The following ESR1 variants were observed in gnomAD, a reference collection of about 807,000 sequenced individuals.
ESR1 encodes estrogen receptor 1, also known as estrogen receptor.
A neutral mutation model predicts 52.7 loss-of-function variants in ESR1; 12 were observed. That is an observed-to-expected ratio of 0.23 (90% CI 0.15 to 0.37). ESR1 has a LOEUF of 0.37. ESR1 is among the 10% of genes least tolerant of loss of function. ESR1 has a pLI of 1.00. For missense variants in ESR1, 584 were observed against 779.7 expected (o/e 0.75, Z 2.99); for synonymous variants, 305 against 316.8 (o/e 0.96, Z 0.39).
chr6:151,934,631 G>T (rs528651495), intron 3 of ESR1, among the ~76,000 whole-genome samples: 1 of 152,266 alleles, frequency 6.6e-6, no homozygotes, highest in South Asian at 2.1e-4. Flanking sequence ...GTTTTAGCCT[G>T]TCCGCTCCAT....
intron 2 of ESR1, among the ~76,000 whole-genome samples, chr6:151,859,062 G>C (rs1276562223): frequency 6.6e-6 from 1 of 152,154 alleles, no homozygotes; most frequent in East Asian, 1.9e-4. Flanking sequence ...CTGCCAATAT[G>C]GCAGTAGATA....
At chr6:151,712,903 C>T (rs1272772042) in intron 2 of ESR1, among the ~76,000 whole-genome samples, 2 of 152,120 alleles carry the variant, frequency 1.3e-5, no homozygotes, top group African/African-American at 4.8e-5. Context: ...AGAGGATATC[C>T]TTGTCTGGTG....
At chr6:152,123,003 T>A (rs1407221087) in intron 6 of ESR1, among the ~76,000 whole-genome samples, 1 of 152,226 alleles carries the variant, frequency 6.6e-6, no homozygotes, top group Non-Finnish European at 1.5e-5. Flanking sequence ...CTAGCATGAA[T>A]TAAGTAGATC....
chr6:151,962,754 G>C (rs1423085489), intron 4 of ESR1, among the ~76,000 whole-genome samples: 2 of 152,150 alleles, frequency 1.3e-5, no homozygotes, highest in Non-Finnish European at 2.9e-5. Context: ...CACACTTAAT[G>C]GACCCTTTCA....
At chr6:152,115,343 G>A (rs937359264) in intron 6 of ESR1, among the ~76,000 whole-genome samples, 2 of 152,158 alleles carry the variant, frequency 1.3e-5, no homozygotes, top group Admixed American at 6.5e-5. Flanking sequence ...CATCTAGGTT[G>A]CTAGAAAATT....
rs185393676 is a variant in ESR1 at position 151,925,345 on chromosome 6, G to A, written c.761-18828G>A. Among the ~76,000 whole-genome samples, 289 of 152,274 alleles carry A rather than the reference G, an allele frequency of 1.9e-3. 2 individuals carry two copies. The highest frequency in any genetic ancestry group is 3.6e-3 in the Non-Finnish European group (245 of 68,012). On this transcript the variant is annotated intron_variant, in intron 3 of 7. Transcript: ENST00000206249. ...TTTTGGGCTGGGCGCAGTGGCTCAC[G>A]CCTGTAATCCCAGCACTTTGGGAAG...
At chr6:151,919,549 C>G (rs1284605434) in intron 3 of ESR1, among the ~76,000 whole-genome samples, 3 of 152,038 alleles carry the variant, frequency 2.0e-5, no homozygotes, top group African/African-American at 7.2e-5. Flanking sequence ...TAATTGAGGC[C>G]CACTACAGCA....
At chr6:151,741,229 CCTT>C (rs1783073254) in intron 2 of ESR1, among the ~76,000 whole-genome samples, 3 of 152,056 alleles carry the variant, frequency 2.0e-5, no homozygotes, top group South Asian at 2.1e-4. Context: ...TCTTCTTCCT[CCTT>C]CTCCTCCTCA....
intron 4 of ESR1, among the ~76,000 whole-genome samples, chr6:151,960,554 A>G (rs1039215501): frequency 2.0e-5 from 3 of 152,230 alleles, no homozygotes; most frequent in African/African-American, 7.2e-5. Flanking sequence ...TTCTAGAAAC[A>G]GGAAGAAGAC....
intron 1 of ESR1, chr6:151,813,310 T>C (rs1042801552): frequency 4.9e-4 from 75 of 152,196 alleles, no homozygotes; most frequent in African/African-American, 1.6e-3. Flanking sequence ...TCAAGAAACG[T>C]GGGCAAATAA....
chr6:151,695,646 A>T (rs1005966524), intron 1 of ESR1, among the ~76,000 whole-genome samples: 2 of 152,232 alleles, frequency 1.3e-5, no homozygotes, highest in African/African-American at 4.8e-5. Context: ...AAATGGTCTC[A>T]TTGGAATAAT....
At chr6:152,048,010 C>T (rs2046368203) in intron 5 of ESR1, among the ~76,000 whole-genome samples, 2 of 128,778 alleles carry the variant, frequency 1.6e-5, no homozygotes, top group African/African-American at 3.0e-5. Flanking sequence ...ACGCATGTCT[C>T]TCTTCTTGGC....
intron 2 of ESR1, among the ~76,000 whole-genome samples, chr6:151,760,003 G>A (rs1393942965): frequency 6.6e-6 from 1 of 152,196 alleles, no homozygotes; most frequent in Non-Finnish European, 1.5e-5. Flanking sequence ...ATTAGTCTAT[G>A]CATGGTTTAT....
At chr6:152,027,918 T>G (rs1584889909) in intron 5 of ESR1, among the ~76,000 whole-genome samples, 1 of 151,344 alleles carries the variant, frequency 6.6e-6, no homozygotes. Flanking sequence ...CCGAGGCGGG[T>G]AGATCATAAG....
chr6:151,852,789 C>G (rs982096809), intron 2 of ESR1, among the ~76,000 whole-genome samples: 2 of 151,974 alleles, frequency 1.3e-5, no homozygotes, highest in Non-Finnish European at 2.9e-5. Context: ...ACAGAAATGA[C>G]TATGGAGGCT....
chr6:152,107,290 G>A (rs1333837875), downstream of ESR1, among the ~76,000 whole-genome samples: 5 of 151,518 alleles, frequency 3.3e-5, no homozygotes, highest in East Asian at 7.7e-4. Context: ...ATTTTCTTTT[G>A]CCTTTTTTCC....
At chr6:151,850,095 T>TAA (rs1786261961) in intron 2 of ESR1, among the ~76,000 whole-genome samples, 9 of 122,734 alleles carry the variant, frequency 7.3e-5, no homozygotes, top group Admixed American at 1.9e-4. Flanking sequence ...TATATATAAT[T>TAA]TTATATATAT....
chr6:151,912,206 A>G (rs774350629), intron 3 of ESR1, among the ~76,000 whole-genome samples: 7 of 152,226 alleles, frequency 4.6e-5, no homozygotes, highest in Non-Finnish European at 8.8e-5. Flanking sequence ...ACTTCAAAGC[A>G]TTCAGCGTGT....
At chr6:152,088,134 AATT>A (rs2049890824) in intron 6 of ESR1, among the ~76,000 whole-genome samples, 1 of 152,242 alleles carries the variant, frequency 6.6e-6, no homozygotes, top group Non-Finnish European at 1.5e-5. Flanking sequence ...ATAAAGGAGA[AATT>A]ATATTAAACT....
Sources: allele counts gnomAD v4.1 joint callset (sites outside exome capture counted in the v4.1 genomes callset), GRCh38; gene constraint gnomAD v4.1.1; transcripts MANE v1.5; gene names NCBI Gene and HGNC (gene_info 2026-07-23, HGNC 2026-07-21).